PRPF18: variants seen among roughly 807,000 people sequenced by gnomAD.
PRPF18 encodes pre-mRNA-splicing factor 18.
Under a neutral mutation model 46.5 loss-of-function variants are expected in PRPF18, and 38 were observed. The observed-to-expected ratio is 0.82, with a 90% CI of 0.63 to 1.07. PRPF18 has a LOEUF of 1.07. Ranked by LOEUF, PRPF18 falls within the 50% of genes least tolerant of loss-of-function variation. The probability of loss-of-function intolerance (pLI) is 0.00; values close to 1 mark genes in which losing one functional copy is unlikely to be tolerated. For synonymous variants in PRPF18, 152 were observed against 146.7 expected, an observed-to-expected ratio of 1.04 and a Z score of -0.26; for missense variants, 263 against 410.0, an observed-to-expected ratio of 0.64 and a Z score of 3.10.
At chr10:13,610,728 A>G (rs2080257776) in intron 5 of PRPF18, among the ~76,000 whole-genome samples, 1 of 152,110 alleles carries the variant, frequency 6.6e-6, no homozygotes, top group African/African-American at 2.4e-5. Context: ...CTTGTGCATA[A>G]CCACGATGGC....
chr10:13,644,828 C>T, the PRPF18 span: 2 of 152,272 alleles, frequency 1.3e-5, no homozygotes, highest in South Asian at 4.1e-4. Context: ...CTTTGTAGCT[C>T]TAACCATGAA....
At chr10:13,633,881 C>G (rs924258468), downstream of PRPF18, among the ~76,000 whole-genome samples, 3 of 152,190 alleles carry the variant, frequency 2.0e-5, no homozygotes, top group African/African-American at 7.2e-5. Context: ...AGCGCAAGAG[C>G]CAGCGCCAGT....
chr10:13,624,541 C>T (rs2080469699), intron 9 of PRPF18, among the ~76,000 whole-genome samples: 6 of 152,240 alleles, frequency 3.9e-5, no homozygotes. Flanking sequence ...CCCCGCCCTC[C>T]TCCCACTCTA....
intron 1 of PRPF18, chr10:13,591,609 TA>T: frequency 1.5e-6 from 1 of 645,718 alleles, no homozygotes; most frequent in South Asian, 1.7e-5. Flanking sequence ...ATCTTGTATT[TA>T]TCTTTTTCTG....
intron 4 of PRPF18, 72 bp downstream of exon 4, chr10:13,605,816 A>G: frequency 6.8e-7 from 1 of 1,478,220 alleles, no homozygotes; most frequent in Non-Finnish European, 9.0e-7. Flanking sequence ...GACTAATTGC[A>G]TTATTGTAGG....
chr10:13,591,543 T>C (rs2079961327), intron 1 of PRPF18: 2 of 722,398 alleles, frequency 2.8e-6, no homozygotes, highest in South Asian at 2.9e-5. Context: ...ATAGCTTTGA[T>C]TTTTGGTAAA....
chr10:13,636,243 G>A, the PRPF18 span, among the ~76,000 whole-genome samples: 1 of 152,174 alleles, frequency 6.6e-6, no homozygotes, highest in African/African-American at 2.4e-5. Flanking sequence ...GCAACATGGT[G>A]AGACCTCATC....
At chr10:13,588,084 T>G (rs1468781971) in intron 1 of PRPF18, among the ~76,000 whole-genome samples, 1 of 152,136 alleles carries the variant, frequency 6.6e-6, no homozygotes, top group Non-Finnish European at 1.5e-5. Context: ...GAGAGTTCCC[T>G]TCTGTCGCCT....
the PRPF18 span, among the ~76,000 whole-genome samples, chr10:13,637,553 TA>T: frequency 6.6e-6 from 1 of 152,248 alleles, no homozygotes; most frequent in African/African-American, 2.4e-5. Context: ...CTGACTGATT[TA>T]TAGTACTTTC....
chr10:13,613,801 G>A lies in PRPF18; in HGVS notation c.640G>A (p.Val214Met), dbSNP rs1340388605. 1.2e-6 allele frequency: 2 copies of A among 1,613,950 alleles called. No individual in the cohort carries two copies. Among genetic ancestry groups the A allele is most frequent in the Non-Finnish European group, 1.7e-6 (2 of 1,179,990 alleles). The change falls in exon 7 of 10, where the codon GTG (valine) becomes ATG (methionine). Residue 214 changes from valine to methionine, a missense_variant. By Grantham distance (21) the Val-to-Met change is conservative (BLOSUM62 1). This residue lies in a region of PRPF18 where 155 missense variants were observed against 245.1 expected (regional missense o/e 0.63). Coordinates refer to ENST00000378572, the MANE Select transcript of PRPF18 (RefSeq NM_003675.4). ...NAREDYVKRS[V>M]QGKLNSATQK... ...CAGAGAAGATTATGTGAAACGCAGT[G>A]TGCAGGGTAAACTGAACAGTGCGAC...
rs113681630 is a variant in PRPF18 at position 13,615,520 on chromosome 10, G to T, written c.793-878G>T. On this transcript the variant is annotated intron_variant, in intron 8 of 9. Coordinates refer to ENST00000378572, the MANE Select transcript of PRPF18 (RefSeq NM_003675.4). ...CACATTTATCTTTAGGGTAGAAAAT[G>T]ATCTTCCAGCTACCCTATCTGTAGT... Among the ~76,000 whole-genome samples the T allele has an allele frequency of 1.5e-4, 23 of 152,224 alleles. 1 individual carries two copies. Among genetic ancestry groups the T allele is most frequent in the African/African-American group, 5.5e-4 (23 of 41,552 alleles).
chr10:13,608,116 T>A (rs2080216410), intron 4 of PRPF18, among the ~76,000 whole-genome samples: 1 of 152,264 alleles, frequency 6.6e-6, no homozygotes, highest in Admixed American at 6.5e-5. Flanking sequence ...AAATCTGTTT[T>A]TGGTGATTAA....
the PRPF18 span, chr10:13,654,537 G>A: frequency 3.4e-6 from 5 of 1,453,664 alleles, no homozygotes; most frequent in Admixed American, 3.4e-5. Flanking sequence ...TGCAAGAAAG[G>A]CAGAGAGCAG....
intron 1 of PRPF18, 33 bp from the exon 2 acceptor site, chr10:13,597,423 GAT>G: frequency 6.9e-7 from 1 of 1,454,122 alleles, no homozygotes; most frequent in Non-Finnish European, 9.4e-7. Flanking sequence ...TTTGCTCAAG[GAT>G]ATATTATTGA....
chr10:13,653,928 T>G, the PRPF18 span: 17 of 189,298 alleles, frequency 9.0e-5, no homozygotes, highest in Admixed American at 8.3e-4. Context: ...CTGATCTCTT[T>G]TGTGTGTTGA....
At chr10:13,607,753 C>T (rs2080211696) in intron 4 of PRPF18, among the ~76,000 whole-genome samples, 1 of 152,054 alleles carries the variant, frequency 6.6e-6, no homozygotes, top group Non-Finnish European at 1.5e-5. Context: ...TTTTTGTGTC[C>T]TGCTTAAGAA....
chr10:13,626,589 TGAG>T (rs1178792978), intron 9 of PRPF18, among the ~76,000 whole-genome samples: 11 of 151,972 alleles, frequency 7.2e-5, no homozygotes, highest in African/African-American at 2.7e-4. Context: ...GGTGTAAGAG[TGAG>T]ATATCCTCTG....
the PRPF18 span, among the ~76,000 whole-genome samples, chr10:13,638,295 TTTTC>T: frequency 7.3e-6 from 1 of 136,516 alleles, no homozygotes; most frequent in African/African-American, 3.1e-5. Flanking sequence ...AAAGCTTGGC[TTTTC>T]TTTTTTTTTT....
chr10:13,632,611 A>C (rs2080600341), downstream of PRPF18: 1 of 152,168 alleles, frequency 6.6e-6, no homozygotes, highest in Non-Finnish European at 1.5e-5. Flanking sequence ...GTACCTCCTA[A>C]AATTGGTCAG....
Sources: gnomAD v4.1 joint callset for allele counts (sites outside exome capture counted in the v4.1 genomes callset) on GRCh38, gnomAD v4.1.1 for gene constraint, gnomAD v4.1.1 regional missense constraint, MANE v1.5 for transcripts, NCBI Gene and HGNC (gene_info 2026-07-23, HGNC 2026-07-21) for gene names.